Variants in FHIP1A observed in about 807,000 individuals in gnomAD.
FHIP1A encodes the protein FHF complex subunit HOOK-interacting protein 1A.
Under a neutral mutation model 88.6 loss-of-function variants are expected in FHIP1A, and 61 were observed. The observed-to-expected ratio is 0.69, with a 90% CI of 0.56 to 0.85. The LOEUF (loss-of-function observed/expected upper bound fraction) is 0.85, where lower values mean the gene tolerates loss of function less well. Ranked by LOEUF, FHIP1A falls within the 40% of genes least tolerant of loss-of-function variation. The pLI is 0.00. For missense variants in FHIP1A, 1,154 were observed against 1,273.5 expected, an observed-to-expected ratio of 0.91 and a Z score of 1.43; for synonymous variants, 478 against 496.0, an observed-to-expected ratio of 0.96 and a Z score of 0.48.
At chr4:151,471,285 C>CTTTT (rs35143840) in intron 2 of FHIP1A, among the ~76,000 whole-genome samples, 3 of 136,264 alleles carry the variant, frequency 2.2e-5, no homozygotes, top group Non-Finnish European at 4.7e-5. Context: ...GGAATTGTTC[C>CTTTT]TTTTTTTTTT....
intron 1 of FHIP1A, among the ~76,000 whole-genome samples, chr4:151,438,577 T>G (rs1728292857): frequency 6.7e-6 from 1 of 149,248 alleles, no homozygotes; most frequent in Admixed American, 6.7e-5. Context: ...TTATATTAGA[T>G]TGGTGCAAAA....
chr4:151,617,644 G>T (rs1735592121), intron 7 of FHIP1A, among the ~76,000 whole-genome samples: 1 of 152,130 alleles, frequency 6.6e-6, no homozygotes, highest in African/African-American at 2.4e-5. Context: ...CCAGCACTTT[G>T]GGAGGCTGAG....
At chr4:151,634,271 A>T (rs1736265897) in intron 8 of FHIP1A, among the ~76,000 whole-genome samples, 1 of 151,880 alleles carries the variant, frequency 6.6e-6, no homozygotes, top group Non-Finnish European at 1.5e-5. Context: ...AAAGAAGAAC[A>T]AATAGAAAGA....
At chr4:151,615,729 A>G (rs368744795) in intron 7 of FHIP1A, among the ~76,000 whole-genome samples, 1 of 152,194 alleles carries the variant, frequency 6.6e-6, no homozygotes, top group Non-Finnish European at 1.5e-5. Flanking sequence ...CATTTTGTGT[A>G]CATCCTGCTG....
rs1354775448 is a variant in FHIP1A, at chr4:151,670,172, A to C, written c.*7418A>C. On this transcript the variant is annotated 3_prime_UTR_variant, in exon 14 of 14. Transcript: ENST00000435205. ...AGTCAGAGGTAACAAAGGCATATAT[A>C]TACCGAACAAAGGTGCTCCGGTGCA... 6.6e-6 allele frequency: 1 copy of C among 152,196 alleles called. No individual in the cohort carries two copies. The highest frequency in any genetic ancestry group is 1.5e-5 in the Non-Finnish European group (1 of 68,040). The allele number at this position is 152,196 out of a possible 1,614,324, so 9.4% of individuals were successfully genotyped here.
In FHIP1A at chr4:151,667,053, T is replaced by TAAA. The variant is rs1737691575; in HGVS notation, c.*4299_*4300insAAA. On this transcript the variant is annotated 3_prime_UTR_variant, in exon 14 of 14. Transcript: ENST00000435205. ...CTGTCTGTCATGCTTGCCATTTTTA[T>TAAA]GAAACACTTTATTGCAGGTCAGCTA... Among the ~76,000 whole-genome samples the TAAA allele has an allele frequency of 2.6e-5, 4 of 152,236 alleles. No homozygotes were observed. Among genetic ancestry groups the TAAA allele is most frequent in the African/African-American group, 9.6e-5 (4 of 41,462 alleles).
intron 2 of FHIP1A, among the ~76,000 whole-genome samples, chr4:151,460,805 A>T (rs1220092596): frequency 6.6e-6 from 1 of 152,206 alleles, no homozygotes; most frequent in Non-Finnish European, 1.5e-5. Context: ...GCAGATTAGG[A>T]ATTCACTGAA....
intron 8 of FHIP1A, among the ~76,000 whole-genome samples, chr4:151,631,247 G>A (rs529539382): frequency 6.6e-6 from 1 of 151,842 alleles, no homozygotes; most frequent in East Asian, 1.9e-4. Context: ...GCTAGGCTGA[G>A]AAAAAAAGAG....
chr4:151,430,132 G>A (rs1179117526), intron 1 of FHIP1A, among the ~76,000 whole-genome samples: 1 of 152,158 alleles, frequency 6.6e-6, no homozygotes, highest in Non-Finnish European at 1.5e-5. Context: ...CTTTCACAAA[G>A]CCTCTCTTCA....
intron 3 of FHIP1A, among the ~76,000 whole-genome samples, chr4:151,521,648 G>C (rs904154208): frequency 1.3e-5 from 2 of 152,076 alleles, no homozygotes; most frequent in Non-Finnish European, 2.9e-5. Flanking sequence ...TCAGTAAATT[G>C]GAGGCTTCCT....
intron 3 of FHIP1A, among the ~76,000 whole-genome samples, chr4:151,526,171 A>C (rs1229092696): frequency 4.6e-5 from 7 of 152,182 alleles, no homozygotes; most frequent in Admixed American, 1.3e-4. Flanking sequence ...CCACACAGAC[A>C]CGGCAACCAT....
intron 7 of FHIP1A, among the ~76,000 whole-genome samples, chr4:151,610,855 G>A (rs1735295791): frequency 1.3e-5 from 2 of 152,138 alleles, no homozygotes; most frequent in African/African-American, 4.8e-5. Flanking sequence ...TACCTGGTAT[G>A]ATCATTATAG....
intron 1 of FHIP1A, among the ~76,000 whole-genome samples, chr4:151,413,316 C>T (rs1421950102): frequency 6.6e-6 from 1 of 152,016 alleles, no homozygotes; most frequent in African/African-American, 2.4e-5. Flanking sequence ...GAAGAAATAG[C>T]TAAAAGAGTT....
At chr4:151,438,294 A>C (rs551135767) in intron 1 of FHIP1A, among the ~76,000 whole-genome samples, 1 of 152,150 alleles carries the variant, frequency 6.6e-6, no homozygotes, top group South Asian at 2.1e-4. Flanking sequence ...ATACTCTCCG[A>C]GATGTTTGCG....
intron 7 of FHIP1A, among the ~76,000 whole-genome samples, chr4:151,627,645 T>G (rs141858501): frequency 6.6e-6 from 1 of 152,348 alleles, no homozygotes; most frequent in Non-Finnish European, 1.5e-5. Flanking sequence ...ATCCCAAGTT[T>G]GCAGTAGTGA....
chr4:151,543,324 A>C (rs1732368244), intron 3 of FHIP1A, among the ~76,000 whole-genome samples: 1 of 152,112 alleles, frequency 6.6e-6, no homozygotes, highest in Non-Finnish European at 1.5e-5. Context: ...ACCCCCTCCA[A>C]AACTGTATGC....
At chr4:151,615,221 A>G (rs965814754) in intron 7 of FHIP1A, among the ~76,000 whole-genome samples, 20 of 98,334 alleles carry the variant, frequency 2.0e-4, no homozygotes, top group Non-Finnish European at 3.4e-4. Context: ...GTGTTTTCAG[A>G]GGGCAGGGGA....
Position 151,656,811 on chromosome 4 carries a change from G to A in FHIP1A, c.2782G>A (p.Asp928Asn). 6.4e-7 allele frequency: 1 copy of A among 1,551,676 alleles called. No individual in the cohort carries two copies. Among genetic ancestry groups the A allele is most frequent in the Non-Finnish European group, 8.7e-7 (1 of 1,146,986 alleles). The change falls in exon 13 of 14, where the codon GAC becomes AAC. Residue 928 changes from aspartate to asparagine, a missense_variant. By Grantham distance (23) the Asp-to-Asn change is conservative. Transcript: ENST00000435205. The surrounding 1 kb of genome is among the most constrained non-coding windows in gnomAD (Gnocchi z 4.2). ...KIEQFASVER[D>N]FPGLLIQAQQ... ...TGAACAGTTTGCTTCTGTGGAGAGAGACTTCCCAGGGCTCCTCATTCAAGC... is the reference window on the plus strand; with the variant it reads ...TGAACAGTTTGCTTCTGTGGAGAGAAACTTCCCAGGGCTCCTCATTCAAGC...
At chr4:151,511,106 C>T (rs764557252) in intron 3 of FHIP1A, among the ~76,000 whole-genome samples, 18 of 152,132 alleles carry the variant, frequency 1.2e-4, no homozygotes, top group Non-Finnish European at 2.5e-4. Context: ...TGACAAATCC[C>T]CATTAGGCTG....
Sources: allele counts gnomAD v4.1 joint callset (sites outside exome capture counted in the v4.1 genomes callset), GRCh38; gene constraint gnomAD v4.1.1; non-coding constraint Gnocchi (gnomAD v3.1); transcripts MANE v1.5; gene names NCBI Gene and HGNC (gene_info 2026-07-23, HGNC 2026-07-21).